The following COL12A1 variants were observed in gnomAD, a reference collection of about 807,000 sequenced individuals.
The protein encoded by COL12A1 is collagen alpha-1(XII) chain.
A neutral mutation model predicts 349.7 loss-of-function variants in COL12A1; 114 were observed. The observed-to-expected ratio is 0.33, with a 90% CI of 0.28 to 0.38. The LOEUF (loss-of-function observed/expected upper bound fraction) is 0.38, where lower values mean the gene tolerates loss of function less well. Among genes scored for constraint, COL12A1 ranks in the 10% least tolerant of loss-of-function variants. COL12A1 has a pLI of 1.00. For synonymous variants in COL12A1, 1,369 were observed against 1,329.0 expected (o/e 1.03, Z -0.66); for missense variants, 3,284 against 3,756.9 (o/e 0.87, Z 3.29).
chr6:75,200,087 C>T (rs1770448578), intron 2 of COL12A1, among the ~76,000 whole-genome samples: 1 of 152,062 alleles, frequency 6.6e-6, no homozygotes, highest in African/African-American at 2.4e-5. Flanking sequence ...AATGGAGTCC[C>T]AAGTTGAAAT....
intron 60 of COL12A1, among the ~76,000 whole-genome samples, chr6:75,092,748 C>A (rs566985417): frequency 6.6e-6 from 1 of 151,252 alleles, no homozygotes; most frequent in African/African-American, 2.5e-5. Flanking sequence ...AAAATTAGAT[C>A]ATGTAACTCC....
rs1770602409 is a variant in COL12A1, at chr6:75,202,856, A to T, written c.-35-29T>A. 4 of 1,474,304 alleles carry T rather than the reference A, an allele frequency of 2.7e-6. No individual in the cohort carries two copies. In the South Asian group the frequency reaches 4.9e-5, roughly 18 times the overall value. The allele number at this position is 1,474,304 out of a possible 1,614,324, so 91.3% of individuals were successfully genotyped here. On this transcript the variant is annotated intron_variant, in intron 1 of 65. Coordinates refer to ENST00000322507, the MANE Select transcript of COL12A1 (RefSeq NM_004370.6). Reference sequence around the variant, plus strand: ...CGGGAGGAAGTAGTGACTGCATCAGAACTGGGTCTGGGCAGGCCTTGAACC... The same window carrying T: ...CGGGAGGAAGTAGTGACTGCATCAGTACTGGGTCTGGGCAGGCCTTGAACC...
intron 11 of COL12A1, among the ~76,000 whole-genome samples, chr6:75,180,734 A>G (rs1182077621): frequency 2.0e-5 from 3 of 152,134 alleles, no homozygotes; most frequent in Non-Finnish European, 4.4e-5. Flanking sequence ...CTTCAAATTC[A>G]TCAAAAGAAG....
chr6:75,130,941 C>T lies in COL12A1; in HGVS notation c.5978G>A (p.Arg1993Gln), dbSNP rs748657616. The T allele has an allele frequency of 1.2e-5, 19 of 1,614,130 alleles. No individual in the cohort carries two copies. The highest frequency in any genetic ancestry group is 2.2e-5 in the East Asian group (1 of 44,876). ...PGNTRMVHLE[R>Q]LIPDTLYSVN... ...GGAATAGAGTGTGTCCGGAATCAGC[C>T]GCTCCAGATGCACCATGCGCGTGTT... The change falls in exon 36 of 66, where the codon CGG (arginine) becomes CAG (glutamine). Residue 1993 changes from arginine (R) to glutamine (Q), a missense_variant. Physicochemically the swap from Arg to Gln is conservative, Grantham distance 43. Transcript: ENST00000322507.
Position 75,123,963 on chromosome 6 carries a change from CAG to C in COL12A1, c.6854_6855del (p.Ser2285CysfsTer2). ...QTPNLEGPGV[S>X]VKEHTTVKPT... The stretch of plus-strand genomic sequence containing the variant: ...AAAAACTTACTGGTATGTTCTTTAA[CAG>C]AGACTCCTGGTCCCTCGAGATTTGG... On this transcript the variant is annotated frameshift_variant, in exon 42 of 66. Coordinates refer to ENST00000322507, the MANE Select transcript of COL12A1 (RefSeq NM_004370.6). LOFTEE classifies it high-confidence loss of function. 1 of 1,611,068 alleles carries C rather than the reference CAG, an allele frequency of 6.2e-7. No individual in the cohort carries two copies. Among genetic ancestry groups the C allele is most frequent in the Non-Finnish European group, 8.5e-7 (1 of 1,177,892 alleles).
At chr6:75,087,273 G>T in intron 65 of COL12A1, 1 of 251,788 alleles carries the variant, frequency 4.0e-6, no homozygotes, top group Non-Finnish European at 6.2e-6. Context: ...TCCCAATCTT[G>T]GGGAAAAGAA....
At chr6:75,187,341 T>C (rs1769679072) in intron 8 of COL12A1, among the ~76,000 whole-genome samples, 1 of 151,598 alleles carries the variant, frequency 6.6e-6, no homozygotes, top group Non-Finnish European at 1.5e-5. Context: ...AAGAGAAATG[T>C]GAACACCTGT....
chr6:75,148,702 C>G (rs904012759), intron 21 of COL12A1, among the ~76,000 whole-genome samples: 2 of 152,086 alleles, frequency 1.3e-5, no homozygotes, highest in Non-Finnish European at 2.9e-5. Context: ...GTTTTCTAGC[C>G]TCAAAAGATT....
intron 52 of COL12A1, among the ~76,000 whole-genome samples, chr6:75,108,103 A>G (rs1768653999): frequency 6.6e-6 from 1 of 152,168 alleles, no homozygotes; most frequent in South Asian, 2.1e-4. Flanking sequence ...TGATTGAGAC[A>G]GGGTCTCAGT....
intron 50 of COL12A1, 41 bp from the exon 51 acceptor site, chr6:75,113,354 T>C (rs377004017): frequency 1.6e-6 from 2 of 1,236,562 alleles, no homozygotes; most frequent in African/African-American, 1.6e-5. Context: ...ATATGCATTG[T>C]ATAATTTTTA....
In COL12A1 at chr6:75,173,333, C is replaced by G. The variant is rs994715978; in HGVS notation, c.2710+1705G>C. 2.0e-5 allele frequency among the ~76,000 whole-genome samples: 3 copies of G among 152,026 alleles called. No homozygotes were observed. The South Asian group carries it at 6.2e-4, about 31-fold the overall frequency. On this transcript the variant is annotated intron_variant, in intron 13 of 65. Coordinates refer to ENST00000322507, the MANE Select transcript of COL12A1 (RefSeq NM_004370.6). The stretch of plus-strand genomic sequence containing the variant: ...TTTCATTTAAATCTTTTTCTAGAAA[C>G]AGATTTCATGGACTATGGAAATTTA...
At chr6:75,197,212 ATT>A (rs1366418618) in intron 2 of COL12A1, among the ~76,000 whole-genome samples, 1 of 152,090 alleles carries the variant, frequency 6.6e-6, no homozygotes, top group Admixed American at 6.6e-5. Flanking sequence ...TTTTAAAAAT[ATT>A]TTCTTTTACA....
chr6:75,175,287 T>G lies in COL12A1; in HGVS notation c.2461A>C (p.Arg821=). 6.2e-7 allele frequency: 1 copy of G among 1,614,148 alleles called. No homozygotes were observed. The highest frequency in any genetic ancestry group is 1.1e-5 in the South Asian group (1 of 91,066). The part of the protein sequence containing the change: ...EEVRGNPRDL[R]VSDPTTSTMK... ...GTAGACGTCGTAGGGTCAGAAACTC[T>G]TAAGTCTCTTGGATTCCCTCTAACT... Residue 821 remains arginine, a synonymous_variant, in exon 13 of 66, where the codon AGA becomes CGA. Transcript: ENST00000322507.
Position 75,165,742 on chromosome 6 carries a change from G to A in COL12A1, c.2748C>T (p.Ile916=). 6.2e-7 allele frequency: 1 copy of A among 1,613,902 alleles called. No individual in the cohort carries two copies. Among genetic ancestry groups the A allele is most frequent in the Non-Finnish European group, 8.5e-7 (1 of 1,179,868 alleles). The change falls in exon 14 of 66, where the codon ATC becomes ATT. Residue 916 remains isoleucine, a synonymous_variant. Coordinates refer to ENST00000322507, the MANE Select transcript of COL12A1 (RefSeq NM_004370.6). ...GSPQDLVTKD[I]TDTSIGAYWT... The stretch of plus-strand genomic sequence containing the variant: ...AATAAGCCCCAATTGATGTGTCAGT[G>A]ATGTCTTTAGTAACTAAATCTTGAG...
At chr6:75,087,553 G>A (rs1562083976) in intron 65 of COL12A1, 24 bp downstream of exon 65, 2 of 1,611,442 alleles carry the variant, frequency 1.2e-6, no homozygotes, top group South Asian at 1.1e-5. Context: ...GTGAGTTGGG[G>A]TTCCTACAAT....
intron 47 of COL12A1, 67 bp from the exon 48 acceptor site, chr6:75,116,124 A>G: frequency 6.9e-7 from 1 of 1,439,028 alleles, no homozygotes; most frequent in Middle Eastern, 2.1e-4. Flanking sequence ...ATGCACAGAA[A>G]GTAGCAATGA....
rs772069524 is a variant in COL12A1, at chr6:75,143,317, G to T, written c.4762C>A (p.Pro1588Thr). Residue 1588 changes from proline (P) to threonine (T), a missense_variant, in exon 26 of 66, where the codon CCT becomes ACT. Around this residue, in one of 2 missense-constraint regions of COL12A1, gnomAD observed 2,601 missense variants for 2,824.8 expected, o/e 0.92. Transcript: ENST00000322507. ...TATTTACGCACTTTTCCAGGCACAG[G>T]TTCCCAAAAGACATTCATAGTGCTG... ...THSTMNVFWE[P>T]VPGKVRKYIV... The T allele has an allele frequency of 3.3e-5, 53 of 1,613,826 alleles. No individual in the cohort carries two copies. Among genetic ancestry groups the T allele is most frequent in the Non-Finnish European group, 3.9e-5 (46 of 1,179,914 alleles).
chr6:75,105,947 T>C (rs1424371800), intron 53 of COL12A1, among the ~76,000 whole-genome samples: 1 of 152,202 alleles, frequency 6.6e-6, no homozygotes, highest in African/African-American at 2.4e-5. Context: ...ATGTGGGTCT[T>C]TGCTGGCCAA....
At chr6:75,125,393 T>C (rs1392131642) in intron 39 of COL12A1, 120 bp from the exon 40 acceptor site, 8 of 888,242 alleles carry the variant, frequency 9.0e-6, no homozygotes, top group Non-Finnish European at 1.3e-5. Context: ...ATAGTCCTCA[T>C]ACACTTACTC....
Sources: allele counts gnomAD v4.1 joint callset (sites outside exome capture counted in the v4.1 genomes callset), GRCh38; gene constraint gnomAD v4.1.1; regional missense constraint gnomAD v4.1.1; transcripts MANE v1.5; gene names NCBI Gene and HGNC (gene_info 2026-07-23, HGNC 2026-07-21).